The following AKT1 variants were observed in gnomAD, a reference collection of about 807,000 sequenced individuals.
AKT1 encodes RAC-alpha serine/threonine-protein kinase.
AKT1 carries 21 observed loss-of-function variants against 63.1 expected under a neutral mutation model. The ratio of observed to expected loss-of-function variants is 0.33; its 90% CI spans 0.24 to 0.48. The LOEUF (loss-of-function observed/expected upper bound fraction) is 0.48. Ranked by LOEUF, AKT1 falls within the 20% of genes least tolerant of loss-of-function variation. The probability of loss-of-function intolerance (pLI) is 0.99; values close to 1 mark genes in which losing one functional copy is unlikely to be tolerated. For synonymous variants in AKT1, 257 were observed against 253.1 expected, an observed-to-expected ratio of 1.02 and a Z score of -0.15; for missense variants, 382 against 666.0, an observed-to-expected ratio of 0.57 and a Z score of 4.69.
chr14:104,789,898 G>T (rs567423043), intron 3 of AKT1, among the ~76,000 whole-genome samples: 1 of 152,322 alleles, frequency 6.6e-6, no homozygotes, highest in South Asian at 2.1e-4. Flanking sequence ...CGGAACTCCT[G>T]TGTCCCCATG....
At chr14:104,777,631 G>A in intron 4 of AKT1, 1 of 989,344 alleles carries the variant, frequency 1.0e-6, no homozygotes, top group Non-Finnish European at 1.2e-6. Flanking sequence ...GCGGGGCCCT[G>A]AGAGGTGTGA....
At chr14:104,776,414 CG>C in intron 5 of AKT1, 1 of 438,720 alleles carries the variant, frequency 2.3e-6, no homozygotes, top group African/African-American at 2.0e-5. Context: ...CCCAAAGTGC[CG>C]AGATTATAGA....
rs749839506 is a variant in AKT1 at position 104,769,542 on chromosome 14, G to A, written c.*799C>T. Reference sequence around the variant, plus strand: ...GTCAGGGAGGGCCTGGGGCGACAGCGGAAAGGTTAAGCGTCGAAAAGGTCA... The same window carrying A: ...GTCAGGGAGGGCCTGGGGCGACAGCAGAAAGGTTAAGCGTCGAAAAGGTCA... On this transcript the variant is annotated 3_prime_UTR_variant, in exon 15 of 15. Transcript: ENST00000649815. The A allele has an allele frequency of 6.4e-5, 34 of 533,680 alleles. No individual in the cohort carries two copies. Among genetic ancestry groups the A allele is most frequent in the South Asian group, 4.8e-4 (31 of 65,088 alleles). 33.1% of individuals were successfully genotyped at this position (533,680 alleles called of 1,614,324 possible).
intron 4 of AKT1, among the ~76,000 whole-genome samples, chr14:104,779,762 C>G (rs1404274546): frequency 2.0e-5 from 3 of 151,690 alleles, no homozygotes; most frequent in African/African-American, 7.3e-5. Context: ...CCCGCCCAGC[C>G]AGCCTCAGGA....
At chr14:104,774,548 C>G (rs2494734) in intron 8 of AKT1, 143,571 of 255,446 alleles carry the variant, frequency 0.56, 44,426 homozygotes, top group African/African-American at 0.89. Flanking sequence ...AGTGGCTGGA[C>G]CCTGGCCCCC....
chr14:104,781,490 A>G (rs1340484184), intron 3 of AKT1, among the ~76,000 whole-genome samples: 3 of 152,170 alleles, frequency 2.0e-5, no homozygotes, highest in Non-Finnish European at 4.4e-5. Context: ...GACATGGGTC[A>G]TGGGCATCCC....
chr14:104,780,269 G>C (rs865785932), intron 3 of AKT1, 53 bp from the exon 4 acceptor site: 1 of 1,588,894 alleles, frequency 6.3e-7, no homozygotes, highest in African/African-American at 1.3e-5. Flanking sequence ...TCAGACCCTC[G>C]CCAGGCAGCC....
intron 3 of AKT1, among the ~76,000 whole-genome samples, chr14:104,785,384 G>A (rs990395630): frequency 2.6e-5 from 4 of 152,346 alleles, no homozygotes; most frequent in Non-Finnish European, 4.4e-5. Flanking sequence ...GACCCCACTT[G>A]GCTGGAGCCC....
rs574337857 is a variant in AKT1 at position 104,769,845 on chromosome 14, T to C, written c.*496A>G. On this transcript the variant is annotated 3_prime_UTR_variant, in exon 15 of 15. Transcript: ENST00000649815. ...CGGCCTTAGTGCTGGGGGGCTGCTGTGTGCCTGCCACCCCCAGGAGAGGGT... is the reference window on the plus strand; with the variant it reads ...CGGCCTTAGTGCTGGGGGGCTGCTGCGTGCCTGCCACCCCCAGGAGAGGGT... The C allele has an allele frequency of 1.7e-4, 66 of 385,838 alleles. 1 individual carries two copies. Among genetic ancestry groups the C allele is most frequent in the South Asian group, 1.4e-3 (57 of 39,796 alleles). The allele number at this position is 385,838 out of a possible 1,614,324, so 23.9% of individuals were successfully genotyped here.
At chr14:104,789,893 C>A (rs1893537805) in intron 3 of AKT1, among the ~76,000 whole-genome samples, 1 of 152,228 alleles carries the variant, frequency 6.6e-6, no homozygotes, top group South Asian at 2.1e-4. Context: ...GCAGCCGGAA[C>A]TCCTGTGTCC....
At chr14:104,776,930 C>T in intron 4 of AKT1, 160 bp from the exon 5 acceptor site, 2 of 609,700 alleles carry the variant, frequency 3.3e-6, no homozygotes, top group Admixed American at 2.9e-5. Context: ...TCTCGCCTCA[C>T]AGAGTGGGGC....
At chr14:104,778,964 C>A (rs1353019635) in intron 4 of AKT1, among the ~76,000 whole-genome samples, 1 of 152,234 alleles carries the variant, frequency 6.6e-6, no homozygotes, top group Non-Finnish European at 1.5e-5. Context: ...AGATGGCCCA[C>A]AACTGGGCCC....
At position 104,769,986 on chromosome 14, in the gene AKT1, CAG is replaced by C. The variant is rs1892283662; in HGVS notation, c.*353_*354del. 1 of 438,096 alleles carries C rather than the reference CAG, an allele frequency of 2.3e-6. No individual in the cohort carries two copies. Among genetic ancestry groups the C allele is most frequent in the Non-Finnish European group, 4.2e-6 (1 of 237,568 alleles). The allele number at this position is 438,096 out of a possible 1,614,324, so 27.1% of individuals were successfully genotyped here. On this transcript the variant is annotated 3_prime_UTR_variant, in exon 15 of 15. Transcript: ENST00000649815. ...CAGACAGCCCAGGGCGGCTGGCTGA[CAG>C]AGTGAGGGGACACATGGGCAGGACC...
chr14:104,771,697 G>A (rs1892396413), intron 13 of AKT1: 1 of 234,878 alleles, frequency 4.3e-6, no homozygotes, highest in African/African-American at 2.2e-5. Context: ...GGGAGGGGCA[G>A]GCTGGGAACG....
chr14:104,781,768 T>A (rs967669934), intron 3 of AKT1, among the ~76,000 whole-genome samples: 1 of 152,138 alleles, frequency 6.6e-6, no homozygotes, highest in Non-Finnish European at 1.5e-5. Context: ...GAGGCTGTTG[T>A]CAGGTCTGGG....
chr14:104,773,631 A>C, intron 9 of AKT1, 51 bp from the exon 10 acceptor site: 1 of 1,566,198 alleles, frequency 6.4e-7, no homozygotes, highest in Admixed American at 1.9e-5. Flanking sequence ...CTCTGCCCCC[A>C]TGGCCTGCAG....
chr14:104,777,728 G>A (rs1159316326), intron 4 of AKT1: 8 of 985,564 alleles, frequency 8.1e-6, no homozygotes, highest in Non-Finnish European at 9.6e-6. Flanking sequence ...GGCCAGTGGG[G>A]GGCCTCTGAC....
chr14:104,792,510 A>G, intron 3 of AKT1, 88 bp downstream of exon 3: 1 of 1,508,048 alleles, frequency 6.6e-7, no homozygotes. Context: ...AGCCCCTCCC[A>G]CCCAGCAGGG....
At chr14:104,785,616 T>C (rs1314417761) in intron 3 of AKT1, among the ~76,000 whole-genome samples, 2 of 152,120 alleles carry the variant, frequency 1.3e-5, no homozygotes, top group Non-Finnish European at 2.9e-5. Flanking sequence ...ATCAGCTCCC[T>C]GGGAAAACGG....
Sources: gnomAD v4.1 joint callset for allele counts (sites outside exome capture counted in the v4.1 genomes callset) on GRCh38, gnomAD v4.1.1 for gene constraint, MANE v1.5 for transcripts, NCBI Gene and HGNC (gene_info 2026-07-23, HGNC 2026-07-21) for gene names.